The following TNFRSF19 variants were observed in gnomAD, a reference collection of about 807,000 sequenced individuals.
The protein encoded by TNFRSF19 is tumor necrosis factor receptor superfamily member 19.
A neutral mutation model predicts 46.4 loss-of-function variants in TNFRSF19; 27 were observed. The ratio of observed to expected loss-of-function variants is 0.58; its 90% confidence interval spans 0.43 to 0.80. TNFRSF19 has a LOEUF of 0.80. Ranked by LOEUF, TNFRSF19 falls within the 30% of genes least tolerant of loss-of-function variation. The pLI, the probability that TNFRSF19 is intolerant of heterozygous loss-of-function variation, is 0.00. For missense variants in TNFRSF19, 511 were observed against 530.8 expected (o/e 0.96, Z 0.37); for synonymous variants, 204 against 205.0 (o/e 1.00, Z 0.04).
At chr13:23,654,054 C>A (rs1198200014) in intron 5 of TNFRSF19, among the ~76,000 whole-genome samples, 1 of 152,172 alleles carries the variant, frequency 6.6e-6, no homozygotes, top group African/African-American at 2.4e-5. Flanking sequence ...GAAAAAAAGT[C>A]TTGTTTGTGG....
chr13:23,650,293 G>T (rs1883558031), intron 5 of TNFRSF19, among the ~76,000 whole-genome samples: 2 of 152,186 alleles, frequency 1.3e-5, no homozygotes, highest in South Asian at 4.1e-4. Flanking sequence ...TCTTGTACAT[G>T]AGTGTGCATA....
At chr13:23,572,455 AGT>A (rs1006358244) in intron 1 of TNFRSF19, among the ~76,000 whole-genome samples, 2 of 152,194 alleles carry the variant, frequency 1.3e-5, no homozygotes, top group African/African-American at 4.8e-5. Flanking sequence ...CTAAAGAAAT[AGT>A]GTGTCTGAAA....
intron 4 of TNFRSF19, among the ~76,000 whole-genome samples, chr13:23,625,015 G>C (rs888297821): frequency 6.6e-6 from 1 of 152,058 alleles, no homozygotes; most frequent in Non-Finnish European, 1.5e-5. Context: ...GCCTCCCAAA[G>C]TGCTGGGATT....
chr13:23,610,773 A>G (rs977960692), intron 3 of TNFRSF19, among the ~76,000 whole-genome samples: 6 of 152,104 alleles, frequency 3.9e-5, no homozygotes, highest in African/African-American at 9.7e-5. Context: ...TTCACTTCTC[A>G]TATGATTTTA....
chr13:23,579,971 G>A (rs940429312), intron 1 of TNFRSF19, among the ~76,000 whole-genome samples: 10 of 152,232 alleles, frequency 6.6e-5, no homozygotes, highest in African/African-American at 2.2e-4. Flanking sequence ...CCGGACCAGC[G>A]CCAGCGGCGG....
In TNFRSF19 at chr13:23,668,162, A is replaced by T. The variant is rs1951682188; in HGVS notation, c.839+80A>T. 12 of 1,211,420 alleles carry T rather than the reference A, an allele frequency of 9.9e-6. No individual in the cohort carries two copies. In the East Asian group the frequency reaches 3.1e-4, roughly 31 times the overall value. The allele number at this position is 1,211,420 out of a possible 1,614,324, so 75.0% of individuals were successfully genotyped here. A position where few individuals can be genotyped will look rare whatever the true frequency, so the allele number is the denominator to read the frequency against. ...CTACTAATTTACCGATTTTCATCTG[A>T]AATGATGGAAACATCACCTCTTAAA... On this transcript the variant is annotated intron_variant, in intron 8 of 9. Coordinates refer to ENST00000248484, the MANE Select transcript of TNFRSF19 (RefSeq NM_148957.4).
chr13:23,647,783 C>T (rs1369325648), intron 5 of TNFRSF19, among the ~76,000 whole-genome samples: 1 of 152,188 alleles, frequency 6.6e-6, no homozygotes, highest in Admixed American at 6.5e-5. Context: ...TCTTCAACTT[C>T]ATTCTTTTGC....
In TNFRSF19 at chr13:23,613,378, T is replaced by A. The variant is rs77675025; in HGVS notation, c.181-2489T>A. Among the ~76,000 whole-genome samples the A allele has an allele frequency of 3.2e-3, 490 of 152,342 alleles. 2 individuals carry two copies. The highest frequency in any genetic ancestry group is 0.011 in the African/African-American group (450 of 41,588). On this transcript the variant is annotated intron_variant, in intron 3 of 9. Transcript: ENST00000248484. ...TTCCCAAAATAACTTGGCCAACAAG[T>A]GGCAGAGCTGGCATTCAAACTCATG... is the stretch of plus-strand genomic sequence containing the variant.
At chr13:23,593,655 T>C (rs1879484517) in intron 3 of TNFRSF19, among the ~76,000 whole-genome samples, 200 bp downstream of exon 3, 1 of 152,256 alleles carries the variant, frequency 6.6e-6, no homozygotes, top group South Asian at 2.1e-4. Flanking sequence ...AAATAGGTTC[T>C]CAAACCCAGA....
chr13:23,611,546 G>T (rs952858361), intron 3 of TNFRSF19, among the ~76,000 whole-genome samples: 6 of 152,188 alleles, frequency 3.9e-5, no homozygotes, highest in African/African-American at 1.4e-4. Context: ...GGCTCTTGAG[G>T]ACAGGGCCCA....
intron 1 of TNFRSF19, among the ~76,000 whole-genome samples, chr13:23,578,163 G>A (rs1486815474): frequency 6.6e-6 from 1 of 152,194 alleles, no homozygotes; most frequent in African/African-American, 2.4e-5. Flanking sequence ...TCAGCGGGAT[G>A]TGGGAATGAA....
chr13:23,660,300 A>G (rs932540066), intron 6 of TNFRSF19, 65 bp from the exon 7 acceptor site: 8 of 1,482,088 alleles, frequency 5.4e-6, no homozygotes, highest in Non-Finnish European at 4.5e-6. Flanking sequence ...TACAAAAGCT[A>G]GAATGGCACA....
At chr13:23,664,240 T>G (rs1301595177) in intron 7 of TNFRSF19, among the ~76,000 whole-genome samples, 1 of 152,196 alleles carries the variant, frequency 6.6e-6, no homozygotes, top group Non-Finnish European at 1.5e-5. Flanking sequence ...ATTTCTACCT[T>G]AATTTTAGTA....
intron 5 of TNFRSF19, among the ~76,000 whole-genome samples, chr13:23,656,135 C>T (rs1481391105): frequency 6.6e-6 from 1 of 152,096 alleles, no homozygotes; most frequent in Admixed American, 6.5e-5. Flanking sequence ...AGAAGTAAAA[C>T]TTGTATATTT....
intron 2 of TNFRSF19, among the ~76,000 whole-genome samples, chr13:23,591,091 A>G (rs923565592): frequency 6.6e-5 from 10 of 152,400 alleles, no homozygotes; most frequent in African/African-American, 2.4e-4. Flanking sequence ...TAATCTAGTG[A>G]TAAAATAATG....
At chr13:23,614,098 C>A (rs1480063806) in intron 3 of TNFRSF19, among the ~76,000 whole-genome samples, 1 of 138,116 alleles carries the variant, frequency 7.2e-6, no homozygotes, top group Non-Finnish European at 1.6e-5. Flanking sequence ...TTGTTTGTCT[C>A]CCCCCTCCTC....
intron 2 of TNFRSF19, among the ~76,000 whole-genome samples, chr13:23,592,769 G>T (rs1879407304): frequency 1.3e-5 from 2 of 152,142 alleles, no homozygotes; most frequent in Admixed American, 1.3e-4. Flanking sequence ...AGTTGAAAAG[G>T]GTTGAAACTT....
At chr13:23,619,080 A>G (rs1881488595) in intron 4 of TNFRSF19, among the ~76,000 whole-genome samples, 1 of 152,236 alleles carries the variant, frequency 6.6e-6, no homozygotes, top group Non-Finnish European at 1.5e-5. Flanking sequence ...TAAATTACCC[A>G]GTCTGTGATA....
At chr13:23,576,257 C>T (rs1877949976) in intron 1 of TNFRSF19, among the ~76,000 whole-genome samples, 1 of 151,992 alleles carries the variant, frequency 6.6e-6, no homozygotes, top group South Asian at 2.1e-4. Flanking sequence ...CCTCAGCCTC[C>T]CTAGTAGCTG....
Sources: gnomAD v4.1 joint callset for allele counts (sites outside exome capture counted in the v4.1 genomes callset) on GRCh38, gnomAD v4.1.1 for gene constraint, MANE v1.5 for transcripts, NCBI Gene and HGNC (gene_info 2026-07-23, HGNC 2026-07-21) for gene names.